The following DPP10 variants were observed in gnomAD, a reference collection of about 807,000 sequenced individuals.
The protein encoded by DPP10 is dipeptidyl peptidase like 10.
DPP10 carries 33 observed loss-of-function variants against 120.9 expected under a neutral mutation model. The observed-to-expected ratio is 0.27, with a 90% CI of 0.21 to 0.37. The LOEUF is 0.37. Among genes scored for constraint, DPP10 ranks in the 10% least tolerant of loss-of-function variants. The probability of loss-of-function intolerance (pLI) is 1.00; values close to 1 mark genes in which losing one functional copy is unlikely to be tolerated. For synonymous variants in DPP10, 337 were observed against 326.1 expected, an observed-to-expected ratio of 1.03 and a Z score of -0.36; for missense variants, 816 against 942.8, an observed-to-expected ratio of 0.87 and a Z score of 1.76.
At chr2:115,258,802 T>C (rs2059123238) in intron 1 of DPP10, among the ~76,000 whole-genome samples, 1 of 152,160 alleles carries the variant, frequency 6.6e-6, no homozygotes, top group African/African-American at 2.4e-5. Context: ...GAAGCTGAAG[T>C]GGGAGGATCA....
At chr2:115,693,222 A>G (rs371605496) in intron 7 of DPP10, among the ~76,000 whole-genome samples, 17 of 152,320 alleles carry the variant, frequency 1.1e-4, no homozygotes, top group African/African-American at 4.1e-4. Context: ...GATATTTCTG[A>G]AAAGTGGCAG....
intron 17 of DPP10, among the ~76,000 whole-genome samples, chr2:115,785,619 G>A (rs55640341): frequency 2.3e-4 from 35 of 152,136 alleles, no homozygotes; most frequent in Admixed American, 6.5e-4. Context: ...TAGTTTGTGG[G>A]CATAGCGGCA....
Position 115,524,781 on chromosome 2 carries a change from A to G in DPP10, c.367-1117A>G, listed in dbSNP as rs146135834. Among the ~76,000 whole-genome samples, 1,127 of 152,278 alleles carry G rather than the reference A, an allele frequency of 7.4e-3. 6 individuals carry two copies. The highest frequency in any genetic ancestry group is 0.025 in the African/African-American group (1,033 of 41,572). The stretch of plus-strand genomic sequence containing the variant: ...ATTAGCATGAAATCGAATAAAGTGC[A>G]AAGAAGTTTGCTATGAATAACAAAA... On this transcript the variant is annotated intron_variant, in intron 4 of 25. Transcript: ENST00000410059.
chr2:114,527,757 C>A (rs764522001), intron 1 of DPP10, among the ~76,000 whole-genome samples: 3 of 152,090 alleles, frequency 2.0e-5, no homozygotes, highest in Non-Finnish European at 2.9e-5. Flanking sequence ...GATGGTATAG[C>A]CCACTACACA....
intron 3 of DPP10, among the ~76,000 whole-genome samples, chr2:115,495,651 T>C (rs1448036941): frequency 6.6e-6 from 1 of 152,144 alleles, no homozygotes; most frequent in Admixed American, 6.5e-5. Context: ...GTTTTTCTTT[T>C]TGTCAGCCAA....
chr2:114,582,201 A>T (rs1430792505), intron 1 of DPP10, among the ~76,000 whole-genome samples: 1 of 152,180 alleles, frequency 6.6e-6, no homozygotes. Context: ...ATATAGTTGG[A>T]ATCATATGAT....
intron 1 of DPP10, among the ~76,000 whole-genome samples, chr2:115,053,337 A>T (rs1363335734): frequency 6.6e-6 from 1 of 152,232 alleles, no homozygotes; most frequent in Non-Finnish European, 1.5e-5. Context: ...ACTCTGAAAA[A>T]TTATCCTAAA....
chr2:115,194,082 T>G (rs2055076145), intron 1 of DPP10, among the ~76,000 whole-genome samples: 1 of 152,224 alleles, frequency 6.6e-6, no homozygotes, highest in African/African-American at 2.4e-5. Flanking sequence ...GCTTTCTGAC[T>G]TAGGATAGTT....
chr2:114,690,141 T>C (rs1293154950), intron 1 of DPP10, among the ~76,000 whole-genome samples: 2 of 152,008 alleles, frequency 1.3e-5, no homozygotes, highest in Non-Finnish European at 2.9e-5. Context: ...GTTGATATCA[T>C]TATAAAATCT....
intron 5 of DPP10, among the ~76,000 whole-genome samples, chr2:115,557,626 G>A (rs1352777773): frequency 6.6e-6 from 1 of 152,118 alleles, no homozygotes; most frequent in African/African-American, 2.4e-5. Context: ...TAAGATTTGT[G>A]GGCATATTGT....
At chr2:115,602,987 CT>C (rs1484056652) in intron 5 of DPP10, among the ~76,000 whole-genome samples, 1 of 152,002 alleles carries the variant, frequency 6.6e-6, no homozygotes, top group African/African-American at 2.4e-5. Context: ...ATTCTTGATG[CT>C]TATTGGCATG....
intron 1 of DPP10, among the ~76,000 whole-genome samples, chr2:114,935,998 T>C (rs769598531): frequency 5.3e-5 from 8 of 152,136 alleles, no homozygotes; most frequent in Non-Finnish European, 1.0e-4. Flanking sequence ...TAATTTATTT[T>C]TTATTTCAAT....
rs554588679 is a variant in DPP10, at chr2:115,517,749, G to GA, written c.367-8145dup. Among the ~76,000 whole-genome samples, 532 of 152,254 alleles carry GA rather than the reference G, an allele frequency of 3.5e-3. 2 individuals carry two copies. The highest frequency in any genetic ancestry group is 0.012 in the African/African-American group (495 of 41,536). ...GCTGCAATTAATCCAATTCAAGAGA[G>GA]AAAATGATAAGGATAGAGTAGATAT... On this transcript the variant is annotated intron_variant, in intron 4 of 25. Transcript: ENST00000410059.
intron 1 of DPP10, among the ~76,000 whole-genome samples, chr2:114,819,780 T>C (rs1240466903): frequency 6.6e-6 from 1 of 152,190 alleles, no homozygotes; most frequent in East Asian, 1.9e-4. Flanking sequence ...CTCCTGGGTA[T>C]CTATTCGTTA....
chr2:115,012,186 G>C (rs1702312250), intron 1 of DPP10, among the ~76,000 whole-genome samples: 1 of 152,014 alleles, frequency 6.6e-6, no homozygotes. Flanking sequence ...CCCCTACCCT[G>C]TGGTCTTTAT....
At chr2:114,472,656 G>C (rs1396911459) in intron 1 of DPP10, among the ~76,000 whole-genome samples, 1 of 152,162 alleles carries the variant, frequency 6.6e-6, no homozygotes, top group African/African-American at 2.4e-5. Flanking sequence ...TTGGTAAAGA[G>C]GTTGTCAGAC....
At chr2:115,328,727 C>T (rs1176006509) in intron 2 of DPP10, among the ~76,000 whole-genome samples, 3 of 152,090 alleles carry the variant, frequency 2.0e-5, no homozygotes, top group Non-Finnish European at 4.4e-5. Flanking sequence ...AATCACATAA[C>T]CTCTGTCCTT....
At chr2:114,541,952 G>A (rs1686984641) in intron 1 of DPP10, among the ~76,000 whole-genome samples, 1 of 151,092 alleles carries the variant, frequency 6.6e-6, no homozygotes, top group South Asian at 2.1e-4. Flanking sequence ...AAATGTAAGT[G>A]TAAAATAAAG....
chr2:115,569,915 C>A (rs2081241260), intron 5 of DPP10, among the ~76,000 whole-genome samples: 1 of 142,852 alleles, frequency 7.0e-6, no homozygotes, highest in Non-Finnish European at 1.5e-5. Context: ...AAATAAAACA[C>A]ATGCCAGTAC....
Sources: allele counts gnomAD v4.1 joint callset (sites outside exome capture counted in the v4.1 genomes callset), GRCh38; gene constraint gnomAD v4.1.1; transcripts MANE v1.5; gene names NCBI Gene and HGNC (gene_info 2026-07-23, HGNC 2026-07-21).